SSR1: variants seen among roughly 807,000 people sequenced by gnomAD.
SSR1 encodes translocon-associated protein subunit alpha.
A neutral mutation model predicts 36.1 loss-of-function variants in SSR1; 13 were observed. That is an observed-to-expected ratio of 0.36 (90% CI 0.23 to 0.57). The LOEUF is 0.57. SSR1 is among the 20% of genes least tolerant of loss of function. The pLI, the probability that SSR1 is intolerant of heterozygous loss-of-function variation, is 0.81. For synonymous variants in SSR1, 113 were observed against 118.9 expected, an observed-to-expected ratio of 0.95 and a Z score of 0.32; for missense variants, 291 against 338.5, an observed-to-expected ratio of 0.86 and a Z score of 1.10.
At chr6:7,298,866 A>T (rs1351442507) in intron 4 of SSR1, 43 bp from the exon 5 acceptor site, 1 of 1,478,060 alleles carries the variant, frequency 6.8e-7, no homozygotes, top group South Asian at 1.1e-5. Flanking sequence ...TAAATGCAAT[A>T]AAGGAAGTAA....
intron 7 of SSR1, chr6:7,295,154 T>C (rs1757764710): frequency 6.7e-7 from 1 of 1,498,408 alleles, no homozygotes; most frequent in Non-Finnish European, 8.8e-7. Context: ...ACACAGAAAA[T>C]TCACACATTC....
chr6:7,295,714 T>C (rs1425972204), intron 6 of SSR1, among the ~76,000 whole-genome samples: 1 of 152,220 alleles, frequency 6.6e-6, no homozygotes, highest in East Asian at 1.9e-4. Context: ...TTAATTTAAA[T>C]ATCTTGGTAA....
In SSR1 at chr6:7,289,645, T is replaced by C. The variant is rs1034778699; in HGVS notation, c.*219A>G. The C allele has an allele frequency of 1.1e-5, 6 of 535,736 alleles. No individual in the cohort carries two copies. Among genetic ancestry groups the C allele is most frequent in the Admixed American group, 8.5e-5 (2 of 23,422 alleles). 33.2% of individuals were successfully genotyped at this position (535,736 alleles called of 1,614,324 possible). Reference sequence around the variant, plus strand: ...TCACATACATACACACGCACACACATAGATTTTAATGGTTTAAAAAAAAAC... The same window carrying C: ...TCACATACATACACACGCACACACACAGATTTTAATGGTTTAAAAAAAAAC... On this transcript the variant is annotated 3_prime_UTR_variant, in exon 8 of 8. Coordinates refer to ENST00000244763, the MANE Select transcript of SSR1 (RefSeq NM_003144.5).
At chr6:7,304,302 A>G (rs910613838) in intron 2 of SSR1, among the ~76,000 whole-genome samples, 1 of 152,240 alleles carries the variant, frequency 6.6e-6, no homozygotes, top group African/African-American at 2.4e-5. Flanking sequence ...CTTGCAGACC[A>G]TAAAGCCTCT....
intron 7 of SSR1, among the ~76,000 whole-genome samples, chr6:7,294,609 C>A (rs1247063353): frequency 6.6e-6 from 1 of 151,990 alleles, no homozygotes; most frequent in Non-Finnish European, 1.5e-5. Flanking sequence ...GAGAATCACT[C>A]GAACCCAGGA....
rs1373851415 is a variant in SSR1 at position 7,289,789 on chromosome 6, C to A, written c.*75G>T. ...TGCCTTCTATGGTGACATGGCTTCT[C>A]TGCACTAATTCCCATCAGGCCGAAA... On this transcript the variant is annotated 3_prime_UTR_variant, in exon 8 of 8. Transcript: ENST00000244763. 14 of 1,364,318 alleles carry A rather than the reference C, an allele frequency of 1.0e-5. No individual in the cohort carries two copies. Among genetic ancestry groups the A allele is most frequent in the Non-Finnish European group, 1.2e-5 (12 of 997,842 alleles). 84.5% of individuals were successfully genotyped at this position (1,364,318 alleles called of 1,614,324 possible).
chr6:7,286,878 C>CTCCA lies in SSR1; in HGVS notation c.*2982_*2985dup, dbSNP rs1440795045. 1.4e-5 allele frequency: 2 copies of CTCCA among 143,360 alleles called. No homozygotes were observed. The highest frequency in any genetic ancestry group is 3.0e-5 in the Non-Finnish European group (2 of 66,956). The allele number at this position is 143,360 out of a possible 1,614,324, so 8.9% of individuals were successfully genotyped here. ...AGTGAGCCGAGATCGCACCACTGCA[C>CTCCA]TCCAGCCTGGGTGACACAGAGACTC... On this transcript the variant is annotated 3_prime_UTR_variant, in exon 8 of 8. Coordinates refer to ENST00000244763, the MANE Select transcript of SSR1 (RefSeq NM_003144.5).
At chr6:7,294,378 T>C (rs9406017) in intron 7 of SSR1, among the ~76,000 whole-genome samples, 1 of 152,150 alleles carries the variant, frequency 6.6e-6, no homozygotes, top group Non-Finnish European at 1.5e-5. Flanking sequence ...ATGGAAAATA[T>C]AAACATAATA....
At position 7,287,473 on chromosome 6, in the gene SSR1, T is replaced by C. The variant is rs1363011752; in HGVS notation, c.*2391A>G. On this transcript the variant is annotated 3_prime_UTR_variant, in exon 8 of 8. Coordinates refer to ENST00000244763, the MANE Select transcript of SSR1 (RefSeq NM_003144.5). ...TTCTACTTCTGAGGTCCCATTTCCT[T>C]TTCCTCTCCTGGGACAATGCTTTAG... is the stretch of plus-strand genomic sequence containing the variant. 1 of 152,206 alleles carries C rather than the reference T, an allele frequency of 6.6e-6. No individual in the cohort carries two copies. The highest frequency in any genetic ancestry group is 1.5e-5 in the Non-Finnish European group (1 of 68,034). 9.4% of individuals were successfully genotyped at this position (152,206 alleles called of 1,614,324 possible). A position where few individuals can be genotyped will look rare whatever the true frequency, so the allele number is the denominator to read the frequency against.
intron 2 of SSR1, among the ~76,000 whole-genome samples, chr6:7,304,145 G>C (rs1404581804): frequency 6.6e-6 from 1 of 152,184 alleles, no homozygotes; most frequent in African/African-American, 2.4e-5. Context: ...ATCTAATTCA[G>C]GTCTAGGGCA....
rs769720912 is a variant in SSR1, at chr6:7,297,978, G to A, written c.644C>T (p.Ala215Val). Residue 215 changes from alanine (A) to valine (V), a missense_variant, in exon 6 of 8, where the codon GCT (alanine) becomes GTT (valine). Physicochemically the swap from Ala to Val is moderately conservative, Grantham distance 64 (BLOSUM62 0). Transcript: ENST00000244763. The part of the protein sequence containing the change: ...GETIFMYMFL[A>V]GLGLLVIVGL... Reference sequence around the variant, plus strand: ...AACAATAACCAGAAGCCCAAGACCAGCAAGGAACATATACATAAAGATTCT... The same window carrying A: ...AACAATAACCAGAAGCCCAAGACCAACAAGGAACATATACATAAAGATTCT... 24 of 1,613,152 alleles carry A rather than the reference G, an allele frequency of 1.5e-5. No individual in the cohort carries two copies. The highest frequency in any genetic ancestry group is 3.3e-4 in the Middle Eastern group (2 of 6,078).
rs538103066 is a variant in SSR1 at position 7,294,200 on chromosome 6, A to T, written c.793+1192T>A. 2.0e-5 allele frequency among the ~76,000 whole-genome samples: 3 copies of T among 147,586 alleles called. No homozygotes were observed. The East Asian group carries it at 6.0e-4, about 30-fold the overall frequency. On this transcript the variant is annotated intron_variant, in intron 7 of 7. Coordinates refer to ENST00000244763, the MANE Select transcript of SSR1 (RefSeq NM_003144.5). The stretch of plus-strand genomic sequence containing the variant: ...CTATCATGACATACATATATATATA[A>T]AATAATATTGTCTAGTTGTAAAAAA...
At chr6:7,312,494 C>T (rs2113307755) in intron 1 of SSR1, among the ~76,000 whole-genome samples, 1 of 152,198 alleles carries the variant, frequency 6.6e-6, no homozygotes, top group South Asian at 2.1e-4. Flanking sequence ...TCAAGCAGGG[C>T]GTGAACAAGG....
intron 5 of SSR1, 160 bp downstream of exon 5, chr6:7,298,587 A>G (rs187098814): frequency 1.1e-3 from 612 of 578,312 alleles, no homozygotes; most frequent in Non-Finnish European, 1.6e-3. Flanking sequence ...TTTTATAGTT[A>G]TAAGAATCAT....
chr6:7,297,216 C>CA (rs55729286), intron 6 of SSR1: 3,814 of 73,278 alleles, frequency 0.052, 382 homozygotes, highest in African/African-American at 0.14. Context: ...CAGACTGTCT[C>CA]AAAAAAAAAA....
chr6:7,289,878 C>A lies in SSR1; in HGVS notation c.847G>T (p.Gly283Ter). 1 of 1,561,968 alleles carries A rather than the reference C, an allele frequency of 6.4e-7. No homozygotes were observed. The highest frequency in any genetic ancestry group is 1.2e-5 in the South Asian group (1 of 80,338). Residue 283 changes from glycine to a stop codon, truncating the protein, a stop_gained, in exon 8 of 8, where the codon GGA becomes TGA. Transcript: ENST00000244763. LOFTEE classifies it high-confidence loss of function. ...CAAAGGAACATTTACTCATCAGATC[C>A]CACTGATCTCTTCTGTGCCCGTTTC... ...PRKRAQKRSV[G>*]SDE
Position 7,301,525 on chromosome 6 carries a change from T to C in SSR1, c.328A>G (p.Lys110Glu). Reference sequence around the variant, plus strand: ...TCAACAATAAAATCTTCTGTACCCTTGTTGGTAAAGCCTACCAGGAACTTC... The same window carrying C: ...TCAACAATAAAATCTTCTGTACCCTCGTTGGTAAAGCCTACCAGGAACTTC... ...IVKFLVGFTNKGTEDFIVESL... is the reference protein window; with the variant it reads ...IVKFLVGFTNEGTEDFIVESL... The change falls in exon 4 of 8, where the codon AAG (lysine) becomes GAG (glutamate). Residue 110 changes from lysine to glutamate, a missense_variant. Coordinates refer to ENST00000244763, the MANE Select transcript of SSR1 (RefSeq NM_003144.5). The C allele has an allele frequency of 6.2e-7, 1 of 1,613,918 alleles. No individual in the cohort carries two copies. The highest frequency in any genetic ancestry group is 8.5e-7 in the Non-Finnish European group (1 of 1,179,978).
chr6:7,302,452 T>C (rs1333007122), intron 3 of SSR1, among the ~76,000 whole-genome samples: 1 of 152,176 alleles, frequency 6.6e-6, no homozygotes, highest in East Asian at 1.9e-4. Flanking sequence ...TTATCAGCCA[T>C]AATTATTTTC....
intron 2 of SSR1, among the ~76,000 whole-genome samples, chr6:7,306,667 A>T (rs1178740486): frequency 1.3e-5 from 2 of 150,844 alleles, no homozygotes; most frequent in African/African-American, 4.9e-5. Flanking sequence ...CTGTAATCCC[A>T]GCACTTCGGG....
Sources: allele counts gnomAD v4.1 joint callset (sites outside exome capture counted in the v4.1 genomes callset), GRCh38; gene constraint gnomAD v4.1.1; transcripts MANE v1.5; gene names NCBI Gene and HGNC (gene_info 2026-07-23, HGNC 2026-07-21).